The following PARP12 variants were observed in gnomAD, a reference collection of about 807,000 sequenced individuals.
PARP12 encodes poly(ADP-ribose) polymerase family member 12.
Under a neutral mutation model 72.4 loss-of-function variants are expected in PARP12, and 59 were observed. That is an observed-to-expected ratio of 0.81 (90% CI 0.66 to 1.01). PARP12 has a LOEUF of 1.01. Ranked by LOEUF, PARP12 falls within the 50% of genes least tolerant of loss-of-function variation. The pLI is 0.00. For synonymous variants in PARP12, 403 were observed against 371.4 expected (o/e 1.09, Z -0.98); for missense variants, 851 against 914.0 (o/e 0.93, Z 0.89).
At chr7:140,042,815 T>A (rs997084847) in intron 5 of PARP12, among the ~76,000 whole-genome samples, 23 of 152,150 alleles carry the variant, frequency 1.5e-4, no homozygotes, top group African/African-American at 5.6e-4. Context: ...TTGGGAGAAT[T>A]AGCTGCAAAG....
intron 6 of PARP12, among the ~76,000 whole-genome samples, chr7:140,039,075 G>A (rs778433129): frequency 1.1e-4 from 16 of 152,196 alleles, no homozygotes; most frequent in Admixed American, 4.6e-4. Context: ...CATAAGGGGC[G>A]GGTGTAAGAG....
intron 4 of PARP12, among the ~76,000 whole-genome samples, chr7:140,049,191 A>G (rs2116624241): frequency 6.6e-6 from 1 of 152,110 alleles, no homozygotes; most frequent in East Asian, 1.9e-4. Context: ...AGGGCAGAAG[A>G]GAGTGCCAGG....
chr7:140,029,728 G>C (rs1315658431), intron 8 of PARP12, among the ~76,000 whole-genome samples: 1 of 152,156 alleles, frequency 6.6e-6, no homozygotes, highest in East Asian at 1.9e-4. Flanking sequence ...GAACCAAATA[G>C]AACTTACAGA....
At chr7:140,038,149 G>C (rs1816296004) in intron 6 of PARP12, 1 of 985,276 alleles carries the variant, frequency 1.0e-6, no homozygotes, top group South Asian at 4.7e-5. Context: ...TAGGACAGAG[G>C]ACACGGCAGC....
intron 11 of PARP12, chr7:140,025,198 A>G: frequency 2.8e-6 from 1 of 363,548 alleles, no homozygotes; most frequent in African/African-American, 2.1e-5. Context: ...CCCAAACCTC[A>G]GATTCCTCAG....
rs375355053 is a variant in PARP12 at position 140,036,047 on chromosome 7, A to G, written c.1324+1668T>C. 1.4e-3 allele frequency among the ~76,000 whole-genome samples: 82 copies of G among 59,184 alleles called. 5 individuals carry two copies. Among genetic ancestry groups the G allele is most frequent in the African/African-American group, 3.8e-3 (31 of 8,162 alleles). The allele number at this position is 59,184 out of a possible 152,430, so 38.8% of individuals were successfully genotyped here. A position where few individuals can be genotyped will look rare whatever the true frequency, so the allele number is the denominator to read the frequency against. Reference sequence around the variant, plus strand: ...GGAGGAGAAGGAGGAGAAGGAGGAGAAGGAGGAGAAGGAGGAGAAGGAGGA... The same window carrying G: ...GGAGGAGAAGGAGGAGAAGGAGGAGGAGGAGGAGAAGGAGGAGAAGGAGGA... On this transcript the variant is annotated intron_variant, in intron 7 of 11. Coordinates refer to ENST00000263549, the MANE Select transcript of PARP12 (RefSeq NM_022750.4).
Position 140,062,756 on chromosome 7 carries a change from C to T in PARP12, c.92G>A (p.Arg31Gln). ...CAGCGCGTCGGCGCTCAAGCCCATC[C>T]GCAAGCGGCGCCGCAGCTCGGGCAA... The part of the protein sequence containing the change: ...LELPELRRRL[R>Q]MGLSADALER... The change falls in exon 1 of 12, where the codon CGG (arginine) becomes CAG (glutamine). Residue 31 changes from arginine to glutamine, a missense_variant. Arg to Gln is a conservative substitution (Grantham distance 43). Around this residue, in one of 3 missense-constraint regions of PARP12, gnomAD observed 492 missense variants for 489.3 expected, o/e 1.01. Transcript: ENST00000263549. 1.4e-6 allele frequency: 2 copies of T among 1,387,016 alleles called. No individual in the cohort carries two copies. Among genetic ancestry groups the T allele is most frequent in the South Asian group, 1.5e-5 (1 of 68,570 alleles). The allele number at this position is 1,387,016 out of a possible 1,614,324, so 85.9% of individuals were successfully genotyped here.
Position 140,024,522 on chromosome 7 carries a change from G to C in PARP12, c.*38C>G, listed in dbSNP as rs1363860301. On this transcript the variant is annotated 3_prime_UTR_variant, in exon 12 of 12. Coordinates refer to ENST00000263549, the MANE Select transcript of PARP12 (RefSeq NM_022750.4). ...GGAAAGGCCCAAATAGCCATTTCAAGGCAGAGCAGGTGAAAGGCCTGGAAC... is the reference window on the plus strand; with the variant it reads ...GGAAAGGCCCAAATAGCCATTTCAACGCAGAGCAGGTGAAAGGCCTGGAAC... The C allele has an allele frequency of 4.4e-6, 7 of 1,604,546 alleles. No homozygotes were observed. The highest frequency in any genetic ancestry group is 1.1e-5 in the South Asian group (1 of 90,586).
intron 4 of PARP12, among the ~76,000 whole-genome samples, chr7:140,049,892 C>T (rs1488516550): frequency 2.0e-5 from 3 of 152,154 alleles, no homozygotes; most frequent in East Asian, 1.9e-4. Flanking sequence ...CTTCTTTTCC[C>T]GCCTTCTAAT....
At chr7:140,046,241 C>CTT (rs1447154004) in intron 5 of PARP12, among the ~76,000 whole-genome samples, 1 of 152,188 alleles carries the variant, frequency 6.6e-6, no homozygotes, top group Non-Finnish European at 1.5e-5. Flanking sequence ...TAATTGTACT[C>CTT]TAAGTGCAAA....
At chr7:140,042,782 G>A (rs1177337843) in intron 5 of PARP12, among the ~76,000 whole-genome samples, 3 of 152,212 alleles carry the variant, frequency 2.0e-5, no homozygotes, top group African/African-American at 7.2e-5. Context: ...AAGCCTCACA[G>A]AAGTTTTAGA....
At chr7:140,056,732 TA>T in intron 3 of PARP12, 123 bp downstream of exon 3, 1 of 1,019,208 alleles carries the variant, frequency 9.8e-7, no homozygotes, top group Non-Finnish European at 1.4e-6. Context: ...TCCATTTTAC[TA>T]AAAGCAGCAC....
chr7:140,051,009 T>G (rs935094814), intron 4 of PARP12, among the ~76,000 whole-genome samples: 2 of 152,186 alleles, frequency 1.3e-5, no homozygotes, highest in Non-Finnish European at 2.9e-5. Context: ...ATATGAAATA[T>G]TCAAGCAAAT....
chr7:140,035,594 G>A (rs1246657539), intron 7 of PARP12, among the ~76,000 whole-genome samples: 4 of 152,190 alleles, frequency 2.6e-5, no homozygotes, highest in Non-Finnish European at 4.4e-5. Context: ...CCTGGCATTT[G>A]CCTTGAGTGA....
At chr7:140,046,757 T>TGTGTGTGTGTGTGA in intron 5 of PARP12, 127 bp downstream of exon 5, 2 of 833,548 alleles carry the variant, frequency 2.4e-6, no homozygotes. Flanking sequence ...TGTGTGTGTG[T>TGTGTGTGTGTGTGA]CACACACAGA....
chr7:140,028,526 A>G, intron 9 of PARP12, 87 bp downstream of exon 9: 1 of 1,155,830 alleles, frequency 8.7e-7, no homozygotes, highest in Non-Finnish European at 1.2e-6. Context: ...CAGCTTCTTC[A>G]GTGTTGAGGA....
rs972052131 is a variant in PARP12, at chr7:140,046,892, T to G, written c.978A>C (p.Lys326Asn). The G allele has an allele frequency of 6.2e-7, 1 of 1,613,474 alleles. No individual in the cohort carries two copies. The highest frequency in any genetic ancestry group is 8.5e-7 in the Non-Finnish European group (1 of 1,179,794). Residue 326 changes from lysine to asparagine, a missense_variant, in exon 5 of 12, where the codon AAA becomes AAC. Around this residue, in one of 3 missense-constraint regions of PARP12, gnomAD observed 492 missense variants for 489.3 expected, o/e 1.01. Transcript: ENST00000263549. Reference sequence around the variant, plus strand: ...AGGGACATATTTCCTACCTTTCTATTTTGGGATTGCAATATGCCTCTTCAA... The same window carrying G: ...AGGGACATATTTCCTACCTTTCTATGTTGGGATTGCAATATGCCTCTTCAA... ...ELIEEAYCNPKIERILCSESA... is the reference protein window; with the variant it reads ...ELIEEAYCNPNIERILCSESA...
intron 8 of PARP12, chr7:140,033,171 G>C (rs1585085663): frequency 2.0e-6 from 2 of 984,308 alleles, no homozygotes; most frequent in Non-Finnish European, 2.4e-6. Context: ...GGGATTACAG[G>C]TGTGAGTCAC....
intron 7 of PARP12, 51 bp from the exon 8 acceptor site, chr7:140,034,382 C>A (rs745400067): frequency 2.8e-6 from 4 of 1,407,358 alleles, no homozygotes; most frequent in Non-Finnish European, 3.9e-6. Flanking sequence ...TATACATACA[C>A]ACAGGATGGC....
Sources: allele counts gnomAD v4.1 joint callset (sites outside exome capture counted in the v4.1 genomes callset), GRCh38; gene constraint gnomAD v4.1.1; regional missense constraint gnomAD v4.1.1; transcripts MANE v1.5; gene names NCBI Gene and HGNC (gene_info 2026-07-23, HGNC 2026-07-21).